TCEA3: variants seen among roughly 807,000 people sequenced by gnomAD.
TCEA3 encodes transcription elongation factor A protein 3.
Under a neutral mutation model 44.0 loss-of-function variants are expected in TCEA3, and 36 were observed. The observed-to-expected ratio is 0.82, with a 90% CI of 0.63 to 1.08. TCEA3 has a LOEUF of 1.08. TCEA3 is among the 50% of genes least tolerant of loss of function. TCEA3 has a pLI of 0.00. For missense variants in TCEA3, 392 were observed against 441.2 expected, an observed-to-expected ratio of 0.89 and a Z score of 1.00; for synonymous variants, 162 against 159.7, an observed-to-expected ratio of 1.01 and a Z score of -0.11.
At chr1:23,408,606 A>G in intron 5 of TCEA3, 58 bp downstream of exon 5, 6 of 1,546,032 alleles carry the variant, frequency 3.9e-6, no homozygotes, top group Non-Finnish European at 5.3e-6. Flanking sequence ...ATAAAAACAG[A>G]GAAGGGGACA....
chr1:23,424,591 C>T lies in TCEA3; in HGVS notation c.43G>A (p.Glu15Lys), dbSNP rs761836333. The change falls in exon 1 of 11, where the codon GAG becomes AAG. Residue 15 changes from glutamate (E) to lysine (K), a missense_variant. Coordinates refer to ENST00000450454, the MANE Select transcript of TCEA3 (RefSeq NM_003196.3). ...GTGTTCTTCCTGGCCACCATCTTCT[C>T]CAGCTTTTTGGCGATCCTCAGCAGC... ...EELLRIAKKL[E>K]KMVARKNTEG... is the part of the protein sequence containing the mutation. 1.9e-6 allele frequency: 3 copies of T among 1,608,696 alleles called. No homozygotes were observed. The highest frequency in any genetic ancestry group is 2.5e-6 in the Non-Finnish European group (3 of 1,179,092).
intron 8 of TCEA3, among the ~76,000 whole-genome samples, chr1:23,392,002 T>C (rs1474892760): frequency 2.0e-5 from 3 of 152,180 alleles, no homozygotes. Flanking sequence ...ATGTTCGTTA[T>C]AGCAGTCTGA....
intron 5 of TCEA3, among the ~76,000 whole-genome samples, chr1:23,404,344 A>T (rs1639482541): frequency 6.6e-6 from 1 of 150,638 alleles, no homozygotes; most frequent in Non-Finnish European, 1.5e-5. Context: ...GCTTGAAATG[A>T]CTCTCCTGAC....
chr1:23,392,257 C>T (rs1639050159), intron 8 of TCEA3, among the ~76,000 whole-genome samples: 1 of 151,394 alleles, frequency 6.6e-6, no homozygotes. Flanking sequence ...CAGACACACA[C>T]TTCCACATGC....
chr1:23,410,479 T>C (rs1639676046), intron 4 of TCEA3, among the ~76,000 whole-genome samples: 2 of 151,970 alleles, frequency 1.3e-5, no homozygotes, highest in African/African-American at 4.8e-5. Flanking sequence ...AGCTAGAGCA[T>C]CAGGAAAAGT....
intron 1 of TCEA3, chr1:23,423,876 C>A (rs779425107): frequency 4.4e-6 from 2 of 455,914 alleles, no homozygotes; most frequent in Non-Finnish European, 8.8e-6. Context: ...CGAGCCCGCT[C>A]CTCCCTCCGC....
chr1:23,420,295 G>A (rs181341846), intron 1 of TCEA3, among the ~76,000 whole-genome samples: 24 of 152,294 alleles, frequency 1.6e-4, no homozygotes, highest in Admixed American at 1.4e-3. Context: ...AGGCTGGAGC[G>A]CAGTGGCACA....
Position 23,418,096 on chromosome 1 carries a change from C to T in TCEA3, c.133-87G>A, listed in dbSNP as rs1180618002. On this transcript the variant is annotated intron_variant, in intron 2 of 10. Transcript: ENST00000450454. The stretch of plus-strand genomic sequence containing the variant: ...TTGGCAGATCCTGCCCCAGCTCTAC[C>T]ACCACCTCCCCTTCCAACCTGGACC... 5.3e-6 allele frequency: 7 copies of T among 1,319,622 alleles called. No individual in the cohort carries two copies. The East Asian group carries it at 1.4e-4, about 27-fold the overall frequency. 81.7% of individuals were successfully genotyped at this position (1,319,622 alleles called of 1,614,324 possible). A position where few individuals can be genotyped will look rare whatever the true frequency, so the allele number is the denominator to read the frequency against.
intron 1 of TCEA3, 40 bp downstream of exon 1, chr1:23,424,525 C>T: frequency 6.3e-7 from 1 of 1,577,264 alleles, no homozygotes; most frequent in Non-Finnish European, 8.6e-7. Flanking sequence ...GCCCGCGCCT[C>T]CCGGGGGCGG....
chr1:23,397,914 G>A lies in TCEA3; in HGVS notation c.485C>T (p.Pro162Leu), dbSNP rs1385941519. The A allele has an allele frequency of 1.9e-6, 3 of 1,613,660 alleles. No individual in the cohort carries two copies. In the South Asian group the frequency reaches 3.3e-5, roughly 18 times the overall value. Residue 162 changes from proline (P) to leucine (L), a missense_variant, in exon 6 of 11, where the codon CCT becomes CTT. Pro to Leu is a moderately conservative substitution (Grantham distance 98). Transcript: ENST00000450454. ...SKSKAESPKT[P>L]SSPLTPTFAS... ...AAACGTGGGGGTCAAGGGGCTGCTA[G>A]GTGTTTTGGGGCTCTCCGCTTTTGA... is the stretch of plus-strand genomic sequence containing the variant.
intron 10 of TCEA3, among the ~76,000 whole-genome samples, chr1:23,383,025 A>G (rs566680775): frequency 3.5e-4 from 53 of 152,354 alleles, no homozygotes; most frequent in African/African-American, 1.1e-3. Flanking sequence ...CACGCCTGTA[A>G]TCCCAGCACT....
chr1:23,410,411 A>G (rs927892951), intron 4 of TCEA3, among the ~76,000 whole-genome samples: 2 of 152,162 alleles, frequency 1.3e-5, no homozygotes, highest in Non-Finnish European at 2.9e-5. Flanking sequence ...GAACATAAAA[A>G]AATGCTTAGA....
chr1:23,404,235 T>C (rs1391958220), intron 5 of TCEA3: 2 of 700,412 alleles, frequency 2.9e-6, no homozygotes, highest in Non-Finnish European at 2.6e-6. Flanking sequence ...CCTGTCAACA[T>C]GGTATCCTCC....
intron 9 of TCEA3, among the ~76,000 whole-genome samples, chr1:23,385,036 G>A (rs1309283095): frequency 6.6e-6 from 1 of 152,090 alleles, no homozygotes; most frequent in Non-Finnish European, 1.5e-5. Flanking sequence ...AAGACCTGAG[G>A]CCCAGAGAGG....
chr1:23,413,757 T>C (rs1478502124), intron 4 of TCEA3, among the ~76,000 whole-genome samples: 1 of 152,176 alleles, frequency 6.6e-6, no homozygotes, highest in Non-Finnish European at 1.5e-5. Context: ...CTTAAAAAAC[T>C]ACAAAGATAT....
At chr1:23,387,890 C>T (rs1422575655) in intron 8 of TCEA3, among the ~76,000 whole-genome samples, 1 of 152,150 alleles carries the variant, frequency 6.6e-6, no homozygotes, top group Non-Finnish European at 1.5e-5. Context: ...CGCAACTACC[C>T]ATGACTTGCT....
chr1:23,408,556 T>G, intron 5 of TCEA3, 108 bp downstream of exon 5: 3 of 1,136,798 alleles, frequency 2.6e-6, no homozygotes, highest in South Asian at 1.5e-5. Flanking sequence ...ATGTAGGAGG[T>G]TTCTTCCTTC....
chr1:23,384,339 T>C lies in TCEA3; in HGVS notation c.1038+7A>G. On this transcript the variant is annotated splice_region_variant and intron_variant, in intron 10 of 10. Transcript: ENST00000450454. ...CAGGGAAGGGGGAAATACATAAACA[T>C]ACAGACCTTCCAGCGATTGCCACAT... The C allele has an allele frequency of 2.5e-6, 4 of 1,613,926 alleles. No individual in the cohort carries two copies. The highest frequency in any genetic ancestry group is 2.5e-6 in the Non-Finnish European group (3 of 1,179,874).
Position 23,422,506 on chromosome 1 carries a change from G to C in TCEA3, c.69+2059C>G, listed in dbSNP as rs963660037. On this transcript the variant is annotated intron_variant, in intron 1 of 10. Transcript: ENST00000450454. Reference sequence around the variant, plus strand: ...GTAAACCCCGGGCCTGAGCTGCAACGTGGAGGATCCGTCTTATTACAGGAA... The same window carrying C: ...GTAAACCCCGGGCCTGAGCTGCAACCTGGAGGATCCGTCTTATTACAGGAA... 6.6e-5 allele frequency among the ~76,000 whole-genome samples: 10 copies of C among 152,268 alleles called. No homozygotes were observed. In the East Asian group the frequency reaches 1.9e-3, roughly 29 times the overall value.
Sources: gnomAD v4.1 joint callset for allele counts (sites outside exome capture counted in the v4.1 genomes callset) on GRCh38, gnomAD v4.1.1 for gene constraint, MANE v1.5 for transcripts, NCBI Gene and HGNC (gene_info 2026-07-23, HGNC 2026-07-21) for gene names.